COG2: variants seen among roughly 807,000 people sequenced by gnomAD.
COG2 encodes conserved oligomeric Golgi complex subunit 2.
COG2 carries 52 observed loss-of-function variants against 90.6 expected under a neutral mutation model. That is an observed-to-expected ratio of 0.57 (90% CI 0.46 to 0.72). The LOEUF (loss-of-function observed/expected upper bound fraction) is 0.72, where lower values mean the gene tolerates loss of function less well. COG2 is among the 30% of genes least tolerant of loss of function. The pLI, the probability that COG2 is intolerant of heterozygous loss-of-function variation, is 0.00. For missense variants in COG2, 829 were observed against 891.2 expected (o/e 0.93, Z 0.89); for synonymous variants, 337 against 320.4 (o/e 1.05, Z -0.55).
chr1:230,655,287 A>T (rs564352755), intron 1 of COG2, among the ~76,000 whole-genome samples: 3 of 152,160 alleles, frequency 2.0e-5, no homozygotes, highest in Non-Finnish European at 4.4e-5. Context: ...TACCTAGTTT[A>T]TTGAGAGTTT....
intron 10 of COG2, 57 bp downstream of exon 10, chr1:230,679,109 C>G: frequency 6.6e-7 from 1 of 1,522,972 alleles, no homozygotes; most frequent in South Asian, 1.3e-5. Context: ...AATTGGAATG[C>G]CAGTTAAGGA....
At chr1:230,677,268 T>G (rs1662622062) in intron 9 of COG2, among the ~76,000 whole-genome samples, 2 of 152,176 alleles carry the variant, frequency 1.3e-5, no homozygotes, top group Admixed American at 1.3e-4. Context: ...ATTATCATAT[T>G]TTTTTATTTC....
chr1:230,672,202 G>A (rs1188133099), intron 8 of COG2, among the ~76,000 whole-genome samples: 1 of 152,030 alleles, frequency 6.6e-6, no homozygotes, highest in Non-Finnish European at 1.5e-5. Context: ...TCTAGTCTAG[G>A]CTTCTGACTG....
intron 5 of COG2, among the ~76,000 whole-genome samples, chr1:230,668,453 CG>C (rs77612122): frequency 0.06 from 9,104 of 152,156 alleles, 570 homozygotes; most frequent in African/African-American, 0.16. Context: ...ACAGATTCCC[CG>C]GTGCACTTAG....
Position 230,669,542 on chromosome 1 carries a change from G to A in COG2, c.774+7G>A, listed in dbSNP as rs374031679. 2.5e-6 allele frequency: 4 copies of A among 1,610,594 alleles called. No homozygotes were observed. Among genetic ancestry groups the A allele is most frequent in the Non-Finnish European group, 3.4e-6 (4 of 1,177,818 alleles). On this transcript the variant is annotated splice_region_variant and intron_variant, in intron 7 of 17. Coordinates refer to ENST00000366669, the MANE Select transcript of COG2 (RefSeq NM_007357.3). ...GAAACCATACATAGACGAGGTCTGT[G>A]TACCTCCTTCAACAAACATTCATGA...
At chr1:230,650,284 G>T (rs193229085) in intron 1 of COG2, among the ~76,000 whole-genome samples, 8 of 152,194 alleles carry the variant, frequency 5.3e-5, no homozygotes, top group Admixed American at 3.9e-4. Context: ...TTGAGAAGTC[G>T]CCATACTGTT....
intron 12 of COG2, 30 bp from the exon 13 acceptor site, chr1:230,686,905 A>C: frequency 7.1e-7 from 1 of 1,412,982 alleles, no homozygotes; most frequent in Non-Finnish European, 9.6e-7. Context: ...GCTAGTGTGA[A>C]AGTAGTTAAT....
chr1:230,680,068 A>C (rs1484147627), intron 10 of COG2: 1 of 152,198 alleles, frequency 6.6e-6, no homozygotes, highest in African/African-American at 2.4e-5. Context: ...ATCATCATGT[A>C]GTTGGTCTCT....
chr1:230,684,970 C>T (rs1662849761), intron 11 of COG2, 115 bp from the exon 12 acceptor site: 2 of 1,271,196 alleles, frequency 1.6e-6, no homozygotes, highest in Admixed American at 2.1e-5. Context: ...ACATGGTTTT[C>T]TTCAGAAGGC....
chr1:230,684,553 T>G (rs1662839851), intron 11 of COG2: 1 of 153,620 alleles, frequency 6.5e-6, no homozygotes, highest in South Asian at 2.0e-4. Flanking sequence ...TCTAGGTTCC[T>G]CAACTTAAAT....
intron 1 of COG2, among the ~76,000 whole-genome samples, chr1:230,651,523 A>G (rs552781764): frequency 1.3e-5 from 2 of 152,198 alleles, no homozygotes; most frequent in East Asian, 3.9e-4. Context: ...ATGGTTCTTA[A>G]GTTTTCCACA....
rs58828525 is a variant in COG2 at position 230,676,703 on chromosome 1, TCTAA to T, written c.1026+1582_1026+1585del. Among the ~76,000 whole-genome samples, 967 of 152,318 alleles carry T rather than the reference TCTAA, an allele frequency of 6.3e-3. 10 individuals are homozygous for T. The highest frequency in any genetic ancestry group is 0.018 in the African/African-American group (739 of 41,576). ...TTCATGTTAGAAGACTTTTTAGTCT[TCTAA>T]CTGTTGATGATAATTTATTTTTTTA... On this transcript the variant is annotated intron_variant, in intron 9 of 17. Transcript: ENST00000366669.
At chr1:230,654,501 T>A (rs1027279046) in intron 1 of COG2, among the ~76,000 whole-genome samples, 1 of 152,188 alleles carries the variant, frequency 6.6e-6, no homozygotes, top group African/African-American at 2.4e-5. Context: ...TACCATACTG[T>A]TTTGGTTACT....
chr1:230,664,427 A>G (rs1468502973), intron 4 of COG2, 57 bp from the exon 5 acceptor site: 1 of 739,504 alleles, frequency 1.4e-6, no homozygotes, highest in Non-Finnish European at 2.1e-6. Context: ...GGATGATGAA[A>G]TAAGAAAATT....
At chr1:230,685,631 A>G (rs1018758604) in intron 12 of COG2, among the ~76,000 whole-genome samples, 5 of 152,242 alleles carry the variant, frequency 3.3e-5, no homozygotes, top group Non-Finnish European at 7.3e-5. Flanking sequence ...AGTTTACAAA[A>G]TGATATTGTC....
chr1:230,651,495 T>C (rs532573067), intron 1 of COG2, among the ~76,000 whole-genome samples: 2 of 152,352 alleles, frequency 1.3e-5, no homozygotes, highest in South Asian at 2.1e-4. Context: ...AAATTGATTG[T>C]CACTGCTATT....
chr1:230,675,267 C>T (rs1397777686), intron 9 of COG2, 143 bp downstream of exon 9: 24 of 845,230 alleles, frequency 2.8e-5, no homozygotes, highest in Non-Finnish European at 4.1e-5. Context: ...AACCTTAAAA[C>T]ACACACATCG....
intron 11 of COG2, 76 bp from the exon 12 acceptor site, chr1:230,685,009 G>T: frequency 8.2e-7 from 1 of 1,223,198 alleles, no homozygotes. Context: ...ATCGTACATC[G>T]GAAGTCTCAC....
intron 5 of COG2, among the ~76,000 whole-genome samples, chr1:230,666,744 G>A (rs144149130): frequency 1.3e-5 from 2 of 152,142 alleles, no homozygotes; most frequent in East Asian, 3.9e-4. Flanking sequence ...TCACCTGCCC[G>A]ATTTCTCTTT....
Sources: gnomAD v4.1 joint callset for allele counts (sites outside exome capture counted in the v4.1 genomes callset) on GRCh38, gnomAD v4.1.1 for gene constraint, MANE v1.5 for transcripts, NCBI Gene and HGNC (gene_info 2026-07-23, HGNC 2026-07-21) for gene names.